Variants in OTOGL observed in about 807,000 individuals in gnomAD.
OTOGL encodes the protein otogelin-like protein.
Under a neutral mutation model 318.5 loss-of-function variants are expected in OTOGL, and 285 were observed. The ratio of observed to expected loss-of-function variants is 0.89; its 90% confidence interval spans 0.81 to 0.99. OTOGL has a LOEUF of 0.99. Ranked by LOEUF, OTOGL falls within the 50% of genes least tolerant of loss-of-function variation. OTOGL has a pLI of 0.00. For missense variants in OTOGL, 2,899 were observed against 2,845.6 expected (o/e 1.02, Z -0.43); for synonymous variants, 987 against 936.5 (o/e 1.05, Z -0.99).
chr12:80,143,149 A>G (rs1189545576), intron 1 of OTOGL, among the ~76,000 whole-genome samples: 2 of 152,158 alleles, frequency 1.3e-5, no homozygotes, highest in African/African-American at 4.8e-5. Context: ...TCATTGTCAT[A>G]TGTAATGGAA....
At chr12:80,209,367 C>A in intron 1 of OTOGL, 46 bp from the exon 2 acceptor site, 1 of 1,089,146 alleles carries the variant, frequency 9.2e-7, no homozygotes, top group Non-Finnish European at 1.3e-6. Flanking sequence ...ATGCATACTT[C>A]TAAGATGCCA....
At chr12:80,115,962 G>A (rs1425344190) in intron 1 of OTOGL, among the ~76,000 whole-genome samples, 1 of 152,166 alleles carries the variant, frequency 6.6e-6, no homozygotes, top group Non-Finnish European at 1.5e-5. Flanking sequence ...AGAATTTCAA[G>A]CCAGTGGATC....
chr12:80,373,289 G>T (rs1227807375), intron 57 of OTOGL, among the ~76,000 whole-genome samples: 1 of 152,022 alleles, frequency 6.6e-6, no homozygotes, highest in African/African-American at 2.4e-5. Context: ...AAAATTAGCT[G>T]GACATAGCAG....
At chr12:80,161,784 T>C (rs1873534240) in intron 1 of OTOGL, among the ~76,000 whole-genome samples, 1 of 152,086 alleles carries the variant, frequency 6.6e-6, no homozygotes. Context: ...CTGGAAATGA[T>C]GGAATGTTAT....
chr12:80,323,663 T>C, intron 34 of OTOGL, 60 bp from the exon 35 acceptor site: 2 of 1,262,126 alleles, frequency 1.6e-6, no homozygotes, highest in Non-Finnish European at 2.3e-6. Context: ...GAAAAGGGAA[T>C]TGTTAGTTTT....
At chr12:80,111,396 C>CT (rs1039382164) in intron 1 of OTOGL, among the ~76,000 whole-genome samples, 32 of 152,220 alleles carry the variant, frequency 2.1e-4, no homozygotes, top group African/African-American at 5.3e-4. Context: ...ACATTTAAAT[C>CT]TTTTTTCTGG....
At chr12:80,234,313 G>C (rs1470684933) in intron 9 of OTOGL, among the ~76,000 whole-genome samples, 2 of 152,194 alleles carry the variant, frequency 1.3e-5, no homozygotes, top group East Asian at 3.8e-4. Flanking sequence ...TTACAGACCT[G>C]ACAGGCTCCC....
At chr12:80,191,359 A>C (rs1486595549) in intron 1 of OTOGL, among the ~76,000 whole-genome samples, 1 of 152,106 alleles carries the variant, frequency 6.6e-6, no homozygotes, top group Non-Finnish European at 1.5e-5. Context: ...AATCGCTTGA[A>C]CCCAGGAGGC....
chr12:80,297,143 C>T (rs1001580725), intron 27 of OTOGL, among the ~76,000 whole-genome samples, 182 bp downstream of exon 27: 2 of 152,002 alleles, frequency 1.3e-5, no homozygotes, highest in Admixed American at 6.6e-5. Flanking sequence ...TCTTACTTCC[C>T]TTCTCCATCT....
At chr12:80,243,762 T>C (rs1359735371) in intron 11 of OTOGL, among the ~76,000 whole-genome samples, 16 of 149,188 alleles carry the variant, frequency 1.1e-4, no homozygotes, top group Non-Finnish European at 2.4e-4. Flanking sequence ...TAGAATTATA[T>C]ATATAACAAA....
At chr12:80,334,400 C>T (rs1888266642) in intron 38 of OTOGL, among the ~76,000 whole-genome samples, 1 of 152,054 alleles carries the variant, frequency 6.6e-6, no homozygotes, top group Non-Finnish European at 1.5e-5. Flanking sequence ...TGAGATTCCT[C>T]ACAGACAGCA....
At chr12:80,281,855 A>G (rs1364171674) in intron 26 of OTOGL, among the ~76,000 whole-genome samples, 1 of 151,910 alleles carries the variant, frequency 6.6e-6, no homozygotes, top group African/African-American at 2.4e-5. Context: ...TATTTGATAT[A>G]AAGTGAGAGT....
At chr12:80,279,389 A>C (rs905372663) in intron 26 of OTOGL, among the ~76,000 whole-genome samples, 2 of 151,454 alleles carry the variant, frequency 1.3e-5, no homozygotes, top group African/African-American at 4.8e-5. Context: ...GAATTTCATC[A>C]TGCAGGTAGT....
rs368045051 is a variant in OTOGL, at chr12:80,336,534, C to T, written c.4722C>T (p.Ile1574=). 2.1e-4 allele frequency: 336 copies of T among 1,607,864 alleles called. No individual in the cohort carries two copies. The highest frequency in any genetic ancestry group is 2.6e-4 in the Non-Finnish European group (308 of 1,176,448). The change falls in exon 40 of 59, where the codon ATC becomes ATT. Residue 1574 remains isoleucine (I), a synonymous_variant. Transcript: ENST00000547103. ...RIPGEIIVAH[I]EKCSMNQNGN... ...CTGGTGAAATTATAGTTGCTCATAT[C>T]GAAAAATGTTCCATGAATCAGGTGG...
chr12:80,315,978 G>A (rs1390378064), intron 32 of OTOGL, among the ~76,000 whole-genome samples: 1 of 151,790 alleles, frequency 6.6e-6, no homozygotes, highest in Non-Finnish European at 1.5e-5. Flanking sequence ...AGCTTTTGTT[G>A]TGTTAACTGC....
intron 1 of OTOGL, among the ~76,000 whole-genome samples, chr12:80,206,759 G>C (rs1429166904): frequency 6.6e-6 from 1 of 150,806 alleles, no homozygotes; most frequent in Non-Finnish European, 1.5e-5. Context: ...GAGCTGAAGT[G>C]CTCCCTCCCA....
intron 1 of OTOGL, among the ~76,000 whole-genome samples, chr12:80,137,177 G>A (rs917771560): frequency 6.6e-6 from 1 of 151,976 alleles, no homozygotes; most frequent in East Asian, 1.9e-4. Context: ...TAAGTCAGTT[G>A]TAGCTATCCA....
At position 80,323,727 on chromosome 12, in the gene OTOGL, C is replaced by G; in HGVS notation, c.4086C>G (p.Ile1362Met). The change falls in exon 35 of 59, where the codon ATC (isoleucine) becomes ATG (methionine). Residue 1362 changes from isoleucine (I) to methionine (M), a missense_variant. This residue lies in a region of OTOGL where 2,607 missense variants were observed against 2,524.9 expected (regional missense o/e 1.03). Coordinates refer to ENST00000547103, the MANE Select transcript of OTOGL (RefSeq NM_001378609.3). ...KHSSSFSIEEIQAAVPYRKMC... is the reference protein window; with the variant it reads ...KHSSSFSIEEMQAAVPYRKMC... ...CTAAACTTTATTTTTTCCCAGAAAT[C>G]CAGGCAGCAGTGCCTTACAGGAAGA... 6.2e-7 allele frequency: 1 copy of G among 1,610,900 alleles called. No individual in the cohort carries two copies. The highest frequency in any genetic ancestry group is 8.5e-7 in the Non-Finnish European group (1 of 1,177,766).
At chr12:80,268,828 T>G (rs1012897051) in intron 22 of OTOGL, among the ~76,000 whole-genome samples, 4 of 152,014 alleles carry the variant, frequency 2.6e-5, no homozygotes, top group African/African-American at 7.2e-5. Flanking sequence ...TTGCCTCTAG[T>G]TTTTCCCCTC....
Sources: gnomAD v4.1 joint callset for allele counts (sites outside exome capture counted in the v4.1 genomes callset) on GRCh38, gnomAD v4.1.1 for gene constraint, gnomAD v4.1.1 regional missense constraint, MANE v1.5 for transcripts, NCBI Gene and HGNC (gene_info 2026-07-23, HGNC 2026-07-21) for gene names.